The following TMEM67 variants were observed in gnomAD, a reference collection of about 807,000 sequenced individuals.
TMEM67 encodes meckelin.
TMEM67 carries 124 observed loss-of-function variants against 136.6 expected under a neutral mutation model. The observed-to-expected ratio is 0.91, with a 90% CI of 0.78 to 1.05. The LOEUF (loss-of-function observed/expected upper bound fraction) is 1.05, where lower values mean the gene tolerates loss of function less well. Among genes scored for constraint, TMEM67 ranks in the 50% least tolerant of loss-of-function variants. The pLI is 0.00. For missense variants in TMEM67, 1,107 were observed against 1,178.4 expected (o/e 0.94, Z 0.89); for synonymous variants, 364 against 390.5 (o/e 0.93, Z 0.80).
At chr8:93,756,121 A>G (rs1365617311) in intron 2 of TMEM67, 5 of 360,824 alleles carry the variant, frequency 1.4e-5, no homozygotes, top group Non-Finnish European at 2.5e-5. Flanking sequence ...TTTTGTTTTT[A>G]CTCGTAGAAT....
intron 16 of TMEM67, among the ~76,000 whole-genome samples, chr8:93,794,524 ATTTTTGCAACTCAGTAATAGG>A (rs1253378174): frequency 2.0e-5 from 3 of 152,130 alleles, no homozygotes; most frequent in African/African-American, 7.2e-5. Context: ...TACTCACTTG[ATTTTTGCAACTCAGTAATAGG>A]TATTTCCGTT....
chr8:93,809,948 C>T, intron 26 of TMEM67, 61 bp downstream of exon 26: 3 of 1,047,248 alleles, frequency 2.9e-6, no homozygotes, highest in Admixed American at 2.2e-5. Context: ...GAAAAAAGTG[C>T]TTGTAGATAT....
intron 21 of TMEM67, among the ~76,000 whole-genome samples, chr8:93,801,203 G>T (rs1007899028): frequency 3.3e-5 from 5 of 151,964 alleles, no homozygotes; most frequent in African/African-American, 1.2e-4. Flanking sequence ...ACCTAAAACA[G>T]CCTATTTTTA....
the TMEM67 span, among the ~76,000 whole-genome samples, chr8:93,825,346 C>T: frequency 6.6e-6 from 1 of 152,146 alleles, no homozygotes; most frequent in African/African-American, 2.4e-5. Flanking sequence ...TATGGAACAA[C>T]ACTGGGATGA....
intron 2 of TMEM67, among the ~76,000 whole-genome samples, chr8:93,757,458 A>G (rs1164758524): frequency 6.6e-6 from 1 of 152,050 alleles, no homozygotes; most frequent in African/African-American, 2.4e-5. Context: ...AAATGTGGTG[A>G]AACCCCATCT....
At chr8:93,765,349 ATTAGGT>A in intron 4 of TMEM67, 51 bp from the exon 5 acceptor site, 1 of 1,368,370 alleles carries the variant, frequency 7.3e-7, no homozygotes, top group Non-Finnish European at 1.0e-6. Flanking sequence ...CAGCTTTTCT[ATTAGGT>A]TTAGTATAAT....
In TMEM67 at chr8:93,789,668, A is replaced by T. The variant is rs35268518; in HGVS notation, c.1519-1595A>T. On this transcript the variant is annotated intron_variant, in intron 14 of 27. Transcript: ENST00000453321. ...CTCAAAAAAATATATATATATATAT[A>T]TATTTTTTTTTTAATGTAAAACACT... Among the ~76,000 whole-genome samples, 409 of 11,872 alleles carry T rather than the reference A, an allele frequency of 0.034. 1 individual carries two copies. In the East Asian group the frequency reaches 0.38, roughly 11 times the overall value. 7.8% of individuals were successfully genotyped at this position (11,872 alleles called of 152,430 possible).
intron 13 of TMEM67, among the ~76,000 whole-genome samples, 190 bp from the exon 14 acceptor site, chr8:93,787,654 A>C (rs1254412431): frequency 1.3e-5 from 2 of 152,184 alleles, no homozygotes; most frequent in Non-Finnish European, 2.9e-5. Flanking sequence ...TTTAATGTTC[A>C]AGTCTTGATC....
chr8:93,816,005 A>G (rs1041867586), intron 27 of TMEM67, among the ~76,000 whole-genome samples: 2 of 152,270 alleles, frequency 1.3e-5, no homozygotes, highest in African/African-American at 4.8e-5. Flanking sequence ...GATGCAATTT[A>G]TTAGTCCTTG....
rs1808617215 is a variant in TMEM67, at chr8:93,809,649, A to G, written c.2662-136A>G. ...TTTTGTTATAGGTTTCAATGTAGTA[A>G]CTTCAGTCTTTTTGAAGAACAGATT... On this transcript the variant is annotated intron_variant, in intron 25 of 27. Transcript: ENST00000453321. 4.8e-6 allele frequency: 3 copies of G among 623,786 alleles called. 1 individual carries two copies. The Admixed American group carries it at 8.9e-5, about 18-fold the overall frequency. 38.6% of individuals were successfully genotyped at this position (623,786 alleles called of 1,614,324 possible).
intron 23 of TMEM67, among the ~76,000 whole-genome samples, chr8:93,808,244 A>G (rs914075788): frequency 2.7e-5 from 4 of 145,996 alleles, no homozygotes; most frequent in African/African-American, 7.4e-5. Context: ...CTACTTAAAT[A>G]TATAAATATA....
rs377160954 is a variant in TMEM67, at chr8:93,795,971, G to A, written c.1844G>A (p.Cys615Tyr). 16 of 1,612,848 alleles carry A rather than the reference G, an allele frequency of 9.9e-6. No homozygotes were observed. The highest frequency in any genetic ancestry group is 1.3e-5 in the African/African-American group (1 of 74,900). ...QEERFVTYVG[C>Y]AFALKALQFL... ...GAACGTTTTGTCACTTATGTTGGAT[G>A]TGCCTTTGCTCTGAAGGTAAGTTTT... Residue 615 changes from cysteine (C) to tyrosine (Y), a missense_variant, in exon 18 of 28, where the codon TGT (cysteine) becomes TAT (tyrosine). Cys to Tyr is a radical substitution (Grantham distance 194, BLOSUM62 -2). Coordinates refer to ENST00000453321, the MANE Select transcript of TMEM67 (RefSeq NM_153704.6).
Position 93,795,934 on chromosome 8 carries a change from C to G in TMEM67, c.1807C>G (p.Pro603Ala), listed in dbSNP as rs1466986071. The change falls in exon 18 of 28, where the codon CCA becomes GCA. Residue 603 changes from proline (P) to alanine (A), a missense_variant. Physicochemically the swap from Pro to Ala is conservative, Grantham distance 27 (BLOSUM62 -1). Transcript: ENST00000453321. ...GTCTGTGTCTGTTTTGCTGCCAATG[C>G]CAATTCAGGAAGAACGTTTTGTCAC... Reference protein sequence around the residue: ...QKSVSVLLPMPIQEERFVTYV... With the variant: ...QKSVSVLLPMAIQEERFVTYV... The G allele has an allele frequency of 1.2e-6, 2 of 1,612,720 alleles. No homozygotes were observed. The highest frequency in any genetic ancestry group is 1.7e-6 in the Non-Finnish European group (2 of 1,178,992).
At chr8:93,764,816 TC>T (rs1490239982) in intron 4 of TMEM67, among the ~76,000 whole-genome samples, 2 of 152,118 alleles carry the variant, frequency 1.3e-5, no homozygotes, top group African/African-American at 4.8e-5. Context: ...TCCTACCTGC[TC>T]TATTTTGCAA....
chr8:93,802,203 C>G (rs1188472763), intron 21 of TMEM67, among the ~76,000 whole-genome samples: 2 of 152,164 alleles, frequency 1.3e-5, no homozygotes, highest in African/African-American at 4.8e-5. Flanking sequence ...TGCCCAGCCA[C>G]AAGGGACTTC....
intron 4 of TMEM67, 44 bp from the exon 5 acceptor site, chr8:93,765,362 T>C (rs758524522): frequency 1.4e-6 from 2 of 1,481,074 alleles, no homozygotes; most frequent in Admixed American, 3.4e-5. Context: ...AGGTTTAGTA[T>C]AATTTATTAA....
At chr8:93,755,219 C>T (rs1812516285) in intron 1 of TMEM67, 82 bp downstream of exon 1, 1 of 1,293,692 alleles carries the variant, frequency 7.7e-7, no homozygotes, top group Non-Finnish European at 1.1e-6. Flanking sequence ...GGAGTTTCAC[C>T]ATGTTGATCA....
At chr8:93,816,166 A>C (rs1447683233) in intron 27 of TMEM67, among the ~76,000 whole-genome samples, 1 of 152,226 alleles carries the variant, frequency 6.6e-6, no homozygotes, top group Non-Finnish European at 1.5e-5. Flanking sequence ...TTAATTCATA[A>C]GAATTTACTC....
At chr8:93,809,290 CT>C (rs1332890322) in intron 25 of TMEM67, 129 bp downstream of exon 25, 7 of 684,410 alleles carry the variant, frequency 1.0e-5, no homozygotes, top group East Asian at 2.7e-5. Flanking sequence ...AAGACCTTCC[CT>C]TTTTTTGTCT....
Sources: allele counts gnomAD v4.1 joint callset (sites outside exome capture counted in the v4.1 genomes callset), GRCh38; gene constraint gnomAD v4.1.1; transcripts MANE v1.5; gene names NCBI Gene and HGNC (gene_info 2026-07-23, HGNC 2026-07-21).